The following BIRC6 variants were observed in gnomAD, a reference collection of about 807,000 sequenced individuals.
BIRC6 encodes baculoviral IAP repeat containing 6.
In BIRC6, 98 loss-of-function variants were observed where a neutral mutation model predicts 503.3. The ratio of observed to expected loss-of-function variants is 0.19; its 90% CI spans 0.17 to 0.23. The LOEUF is 0.23. BIRC6 is among the 10% of genes least tolerant of loss of function. BIRC6 has a pLI of 1.00. For missense variants in BIRC6, 5,360 were observed against 5,806.0 expected (o/e 0.92, Z 2.50); for synonymous variants, 2,240 against 2,078.7 (o/e 1.08, Z -2.11).
chr2:32,551,906 G>C lies in BIRC6; in HGVS notation c.13144+2425G>C, dbSNP rs1048777888. ...TCTACAGATTGGTTTGTAAGTGTGAGAGTAGTCCTCATAATTTTGCCTGAG... is the reference window on the plus strand; with the variant it reads ...TCTACAGATTGGTTTGTAAGTGTGACAGTAGTCCTCATAATTTTGCCTGAG... On this transcript the variant is annotated intron_variant, in intron 65 of 73. Transcript: ENST00000421745. 6.1e-4 allele frequency among the ~76,000 whole-genome samples: 93 copies of C among 152,154 alleles called. 1 individual carries two copies. Among genetic ancestry groups the C allele is most frequent in the Non-Finnish European group, 1.0e-4 (7 of 68,034 alleles).
chr2:32,436,620 C>T (rs1213308659), intron 15 of BIRC6, among the ~76,000 whole-genome samples: 1 of 152,240 alleles, frequency 6.6e-6, no homozygotes, highest in African/African-American at 2.4e-5. Context: ...CATTCTGTCA[C>T]CCAGGCTGGA....
intron 15 of BIRC6, among the ~76,000 whole-genome samples, chr2:32,438,684 T>G (rs983998281): frequency 6.6e-6 from 1 of 151,328 alleles, no homozygotes; most frequent in Non-Finnish European, 1.5e-5. Flanking sequence ...CTCAGCCTCC[T>G]GAGTAGTTGG....
rs568685392 is a variant in BIRC6 at position 32,431,825 on chromosome 2, G to T, written c.3248+735G>T. 5.3e-4 allele frequency among the ~76,000 whole-genome samples: 80 copies of T among 152,314 alleles called. 1 individual carries two copies. Among genetic ancestry groups the T allele is most frequent in the African/African-American group, 1.9e-3 (77 of 41,576 alleles). On this transcript the variant is annotated intron_variant, in intron 12 of 73. Coordinates refer to ENST00000421745, the MANE Select transcript of BIRC6 (RefSeq NM_016252.4). ...ATTTGCCTCCTAATGGCAATAGAAAGTAAACAGATACATATACCATGCCAT... is the reference window on the plus strand; with the variant it reads ...ATTTGCCTCCTAATGGCAATAGAAATTAAACAGATACATATACCATGCCAT...
intron 66 of BIRC6, among the ~76,000 whole-genome samples, chr2:32,582,489 C>A (rs1002403222): frequency 6.6e-6 from 1 of 151,960 alleles, no homozygotes; most frequent in African/African-American, 2.4e-5. Flanking sequence ...CTTAGCTGGG[C>A]GTGGTGGCTC....
At chr2:32,569,803 A>G (rs2059800080) in intron 65 of BIRC6, among the ~76,000 whole-genome samples, 1 of 152,052 alleles carries the variant, frequency 6.6e-6, no homozygotes, top group Non-Finnish European at 1.5e-5. Context: ...TCTTTATTGA[A>G]TTCATGTATC....
chr2:32,519,594 C>T (rs557315433), intron 57 of BIRC6, among the ~76,000 whole-genome samples: 209 of 152,288 alleles, frequency 1.4e-3, no homozygotes, highest in Non-Finnish European at 2.6e-3. Flanking sequence ...TGGCTCACCA[C>T]AACCTGTGCC....
intron 6 of BIRC6, 72 bp from the exon 7 acceptor site, chr2:32,401,091 G>A: frequency 7.9e-7 from 1 of 1,263,340 alleles, no homozygotes; most frequent in Non-Finnish European, 1.1e-6. Flanking sequence ...GATGATCCTG[G>A]AGTTCTGTTT....
Position 32,469,961 on chromosome 2 carries a change from A to G in BIRC6, c.6348-207A>G, listed in dbSNP as rs530144665. Among the ~76,000 whole-genome samples, 4 of 152,354 alleles carry G rather than the reference A, an allele frequency of 2.6e-5. 1 individual carries two copies. The highest frequency in any genetic ancestry group is 7.2e-5 in the African/African-American group (3 of 41,584). On this transcript the variant is annotated intron_variant, in intron 30 of 73. Transcript: ENST00000421745. ...TGCTTGATTTCTTGTTAATAACATT[A>G]GAAAATGTAACCAGTAGTTAGAAAA...
At chr2:32,544,684 G>T (rs1391042964) in intron 62 of BIRC6, among the ~76,000 whole-genome samples, 1 of 151,526 alleles carries the variant, frequency 6.6e-6, no homozygotes, top group African/African-American at 2.4e-5. Context: ...ATGAATTTAT[G>T]TGTAGATCTC....
chr2:32,482,854 T>C (rs2050562245), intron 39 of BIRC6, among the ~76,000 whole-genome samples: 1 of 152,192 alleles, frequency 6.6e-6, no homozygotes, highest in African/African-American at 2.4e-5. Context: ...TTGTTGACTT[T>C]AATAGTAAAC....
At chr2:32,568,200 T>TTTC (rs2059664696) in intron 65 of BIRC6, among the ~76,000 whole-genome samples, 2 of 151,270 alleles carry the variant, frequency 1.3e-5, no homozygotes, top group African/African-American at 4.9e-5. Context: ...TTTTTTTTTT[T>TTTC]TTCAGGATAA....
intron 39 of BIRC6, among the ~76,000 whole-genome samples, chr2:32,483,618 G>A (rs976805200): frequency 1.3e-5 from 2 of 152,114 alleles, no homozygotes; most frequent in Non-Finnish European, 2.9e-5. Flanking sequence ...GCATTTAATC[G>A]TCACGTCTCT....
At chr2:32,455,339 T>C (rs575634671) in intron 23 of BIRC6, among the ~76,000 whole-genome samples, 38 of 135,002 alleles carry the variant, frequency 2.8e-4, no homozygotes, top group Admixed American at 1.2e-3. Flanking sequence ...GAGATCGCGC[T>C]ACTGCATTCC....
rs796997752 is a variant in BIRC6, at chr2:32,413,793, C to G, written c.1478-976C>G. Among the ~76,000 whole-genome samples, 17 of 151,940 alleles carry G rather than the reference C, an allele frequency of 1.1e-4. 1 individual carries two copies. Among genetic ancestry groups the G allele is most frequent in the African/African-American group, 3.1e-4 (13 of 41,440 alleles). ...TACCAAAACCTGGATGTGCTCAAGT[C>G]CCTTGTATAAAATGGTATAGTTTTG... On this transcript the variant is annotated intron_variant, in intron 9 of 73. Transcript: ENST00000421745.
intron 66 of BIRC6, among the ~76,000 whole-genome samples, chr2:32,578,635 A>G (rs2060428336): frequency 6.6e-6 from 1 of 151,888 alleles, no homozygotes; most frequent in Admixed American, 6.6e-5. Flanking sequence ...TCTCTACTAA[A>G]AATACAAAAA....
chr2:32,385,520 C>T (rs528215448), intron 3 of BIRC6, among the ~76,000 whole-genome samples: 1 of 152,306 alleles, frequency 6.6e-6, no homozygotes, highest in African/African-American at 2.4e-5. Context: ...GAACTAGGAG[C>T]TGTTTTTCAA....
At chr2:32,473,552 A>G (rs909400456) in intron 33 of BIRC6, among the ~76,000 whole-genome samples, 8 of 150,716 alleles carry the variant, frequency 5.3e-5, no homozygotes, top group African/African-American at 1.2e-4. Flanking sequence ...AATTCAATCC[A>G]TTTTCCTTCA....
chr2:32,390,134 A>G (rs1297060617), intron 4 of BIRC6, among the ~76,000 whole-genome samples: 1 of 151,906 alleles, frequency 6.6e-6, no homozygotes, highest in African/African-American at 2.4e-5. Flanking sequence ...TGCTGGGATT[A>G]CAGGCATGAG....
chr2:32,429,482 G>A (rs988899236), intron 11 of BIRC6, among the ~76,000 whole-genome samples, 187 bp downstream of exon 11: 1 of 151,990 alleles, frequency 6.6e-6, no homozygotes, highest in Non-Finnish European at 1.5e-5. Context: ...TGAGCTTTTA[G>A]TCTAATTAGA....
Sources: allele counts gnomAD v4.1 joint callset (sites outside exome capture counted in the v4.1 genomes callset), GRCh38; gene constraint gnomAD v4.1.1; transcripts MANE v1.5; gene names NCBI Gene and HGNC (gene_info 2026-07-23, HGNC 2026-07-21).